The following RYR2 variants were observed in gnomAD, a reference collection of about 807,000 sequenced individuals.
The protein encoded by RYR2 is ryanodine receptor 2, also known as cardiac muscle ryanodine receptor-calcium release channel.
RYR2 carries 227 observed loss-of-function variants against 601.1 expected under a neutral mutation model. That is an observed-to-expected ratio of 0.38 (90% CI 0.34 to 0.42). RYR2 has a LOEUF of 0.42. Among genes scored for constraint, RYR2 ranks in the 10% least tolerant of loss-of-function variants. The pLI, the probability that RYR2 is intolerant of heterozygous loss-of-function variation, is 1.00. For missense variants in RYR2, 4,646 were observed against 6,156.5 expected (o/e 0.75, Z 8.21); for synonymous variants, 2,223 against 2,175.1 (o/e 1.02, Z -0.61).
At chr1:237,226,244 C>T (rs1198415242) in intron 1 of RYR2, among the ~76,000 whole-genome samples, 1 of 152,106 alleles carries the variant, frequency 6.6e-6, no homozygotes, top group East Asian at 1.9e-4. Context: ...CTCCTGAGTT[C>T]ATGCGAAATT....
In RYR2 at chr1:237,381,298, A is replaced by G. The variant is rs146835603; in HGVS notation, c.576+3863A>G. The stretch of plus-strand genomic sequence containing the variant: ...AAAAGAATGCTTAAAGAAACAGCAG[A>G]TATTTAACCAGAAGAAGAGATAGTT... On this transcript the variant is annotated intron_variant, in intron 8 of 104. Coordinates refer to ENST00000366574, the MANE Select transcript of RYR2 (RefSeq NM_001035.3). Among the ~76,000 whole-genome samples the G allele has an allele frequency of 4.3e-3, 644 of 151,392 alleles. 6 individuals are homozygous for G. The highest frequency in any genetic ancestry group is 0.015 in the African/African-American group (620 of 41,342).
At chr1:237,653,754 C>T (rs1166731002) in intron 51 of RYR2, among the ~76,000 whole-genome samples, 2 of 152,336 alleles carry the variant, frequency 1.3e-5, no homozygotes, top group East Asian at 3.9e-4. Flanking sequence ...AACAGTGCAG[C>T]CTTCAGTCTG....
Position 237,534,098 on chromosome 1 carries a change from C to T in RYR2, c.2906+3588C>T, listed in dbSNP as rs573063953. Among the ~76,000 whole-genome samples, 4 of 152,064 alleles carry T rather than the reference C, an allele frequency of 2.6e-5. No homozygotes were observed. In the South Asian group the frequency reaches 8.3e-4, roughly 32 times the overall value. ...ACAGCTATAAGAGGTACATCAATAA[C>T]TTTAGAACATAGAAAAGTTGAAAAT... is the stretch of plus-strand genomic sequence containing the variant. On this transcript the variant is annotated intron_variant, in intron 25 of 104. Coordinates refer to ENST00000366574, the MANE Select transcript of RYR2 (RefSeq NM_001035.3).
chr1:237,697,108 A>AC (rs201517967), intron 63 of RYR2, among the ~76,000 whole-genome samples: 5 of 150,300 alleles, frequency 3.3e-5, no homozygotes, highest in South Asian at 2.1e-4. Flanking sequence ...TCTTGCTCTG[A>AC]CTCCCTTAGC....
At chr1:237,149,151 G>A (rs1674406779) in intron 1 of RYR2, among the ~76,000 whole-genome samples, 1 of 152,160 alleles carries the variant, frequency 6.6e-6, no homozygotes, top group African/African-American at 2.4e-5. Context: ...AACCATGATA[G>A]AGGAAATATT....
At chr1:237,727,687 G>T (rs560019385) in intron 76 of RYR2, among the ~76,000 whole-genome samples, 2 of 152,088 alleles carry the variant, frequency 1.3e-5, no homozygotes, top group Non-Finnish European at 2.9e-5. Flanking sequence ...GTAGGTTTAT[G>T]TCATGATAAA....
chr1:237,665,939 C>T (rs1468079308), intron 56 of RYR2, among the ~76,000 whole-genome samples: 1 of 152,026 alleles, frequency 6.6e-6, no homozygotes, highest in Non-Finnish European at 1.5e-5. Context: ...GAGGTAAGTG[C>T]CCAGGATGGT....
intron 3 of RYR2, among the ~76,000 whole-genome samples, chr1:237,349,184 A>C (rs1698547543): frequency 6.6e-6 from 1 of 152,138 alleles, no homozygotes; most frequent in African/African-American, 2.4e-5. Flanking sequence ...AAAACTAGAA[A>C]AATAAAAAAT....
At chr1:237,675,514 C>T (rs974640637) in intron 60 of RYR2, among the ~76,000 whole-genome samples, 1 of 152,154 alleles carries the variant, frequency 6.6e-6, no homozygotes, top group Non-Finnish European at 1.5e-5. Flanking sequence ...CCAGCCACTG[C>T]GTAGTAATAC....
intron 20 of RYR2, among the ~76,000 whole-genome samples, chr1:237,498,725 A>G (rs1664329888): frequency 6.6e-6 from 1 of 152,330 alleles, no homozygotes; most frequent in African/African-American, 2.4e-5. Context: ...ATTGAATTGT[A>G]TGCGTTATAC....
At chr1:237,402,395 A>C (rs368505977) in intron 10 of RYR2, among the ~76,000 whole-genome samples, 2 of 149,604 alleles carry the variant, frequency 1.3e-5, no homozygotes, top group Non-Finnish European at 3.0e-5. Context: ...TCTTAAAAAA[A>C]AAAGAAAAAA....
At chr1:237,731,463 T>C (rs2685302) in intron 77 of RYR2, among the ~76,000 whole-genome samples, 48,457 of 152,076 alleles carry the variant, frequency 0.32, 8,607 homozygotes, top group East Asian at 0.6. Context: ...TCATGCTGTG[T>C]GTAAGCGAAG....
At chr1:237,329,518 T>C (rs1215511855) in intron 2 of RYR2, among the ~76,000 whole-genome samples, 4 of 151,854 alleles carry the variant, frequency 2.6e-5, no homozygotes, top group African/African-American at 9.7e-5. Context: ...GGTGCATGCC[T>C]GTAGTCCCAG....
intron 60 of RYR2, among the ~76,000 whole-genome samples, chr1:237,677,171 G>A (rs72751259): frequency 0.15 from 22,198 of 151,852 alleles, 2,087 homozygotes; most frequent in South Asian, 0.21. Context: ...ATATTATTTT[G>A]CAAAATAACT....
At chr1:237,607,761 C>G (rs1410522471) in intron 35 of RYR2, among the ~76,000 whole-genome samples, 3 of 152,116 alleles carry the variant, frequency 2.0e-5, no homozygotes, top group African/African-American at 7.2e-5. Flanking sequence ...CTTAATTTTG[C>G]AATTGTAAAG....
intron 2 of RYR2, among the ~76,000 whole-genome samples, chr1:237,286,860 A>G (rs1166618933): frequency 6.7e-6 from 1 of 150,146 alleles, no homozygotes; most frequent in Non-Finnish European, 1.5e-5. Context: ...TTGCCTGTGT[A>G]CTTCATTTTT....
At chr1:237,351,259 G>T (rs1018355279) in intron 3 of RYR2, among the ~76,000 whole-genome samples, 2 of 151,960 alleles carry the variant, frequency 1.3e-5, no homozygotes, top group African/African-American at 4.8e-5. Flanking sequence ...TACATAAGAA[G>T]AACTGAATAA....
At chr1:237,788,180 C>T (rs533405558) in intron 92 of RYR2, 45 bp downstream of exon 92, 3 of 1,490,470 alleles carry the variant, frequency 2.0e-6, no homozygotes, top group African/African-American at 2.8e-5. Flanking sequence ...TAGTGCAATA[C>T]CGTAATAATT....
chr1:237,333,915 C>T (rs1696991587), intron 3 of RYR2, among the ~76,000 whole-genome samples: 2 of 152,150 alleles, frequency 1.3e-5, no homozygotes, highest in African/African-American at 2.4e-5. Context: ...TCAAAAAGAA[C>T]CTCGTGTTGC....
Sources: gnomAD v4.1 joint callset for allele counts (sites outside exome capture counted in the v4.1 genomes callset) on GRCh38, gnomAD v4.1.1 for gene constraint, MANE v1.5 for transcripts, NCBI Gene and HGNC (gene_info 2026-07-23, HGNC 2026-07-21) for gene names.